Variants in HS3ST4 observed in about 807,000 individuals in gnomAD.
The protein encoded by HS3ST4 is heparan sulfate-glucosamine 3-sulfotransferase 4, also known as heparan sulfate glucosamine 3-O-sulfotransferase 4.
In HS3ST4, 17 loss-of-function variants were observed where a neutral mutation model predicts 29.2. The observed-to-expected ratio is 0.58, with a 90% CI of 0.40 to 0.87. HS3ST4 has a LOEUF of 0.87. HS3ST4 is among the 40% of genes least tolerant of loss of function. The probability of loss-of-function intolerance (pLI) is 0.00; values close to 1 mark genes in which losing one functional copy is unlikely to be tolerated. For missense variants in HS3ST4, 627 were observed against 634.5 expected (o/e 0.99, Z 0.13); for synonymous variants, 314 against 285.7 (o/e 1.10, Z -1.00).
chr16:25,936,628 C>T (rs945065455), intron 1 of HS3ST4, among the ~76,000 whole-genome samples: 10 of 152,200 alleles, frequency 6.6e-5, no homozygotes. Flanking sequence ...TAGATGGTTA[C>T]CCATTCATCA....
intron 1 of HS3ST4, among the ~76,000 whole-genome samples, chr16:25,729,984 G>T (rs1429635039): frequency 1.3e-5 from 2 of 152,114 alleles, no homozygotes; most frequent in African/African-American, 4.8e-5. Context: ...AAAAGAAAAA[G>T]GGCATTATTT....
chr16:25,956,946 C>T (rs1373944944), intron 1 of HS3ST4, among the ~76,000 whole-genome samples: 2 of 126,404 alleles, frequency 1.6e-5, no homozygotes, highest in Non-Finnish European at 3.1e-5. Flanking sequence ...TGCAGTGAGC[C>T]AAGATTGAGC....
chr16:25,785,608 C>T (rs1966856694), intron 1 of HS3ST4, among the ~76,000 whole-genome samples: 1 of 152,196 alleles, frequency 6.6e-6, no homozygotes, highest in Non-Finnish European at 1.5e-5. Flanking sequence ...CATCCCTCAG[C>T]TTCTCTGTCT....
intron 1 of HS3ST4, among the ~76,000 whole-genome samples, chr16:25,712,336 A>G (rs757196059): frequency 2.6e-4 from 40 of 152,132 alleles, no homozygotes; most frequent in Non-Finnish European, 4.6e-4. Flanking sequence ...AGCTTGGGCA[A>G]CATAGTGAAA....
chr16:25,870,201 C>T (rs1459174254), intron 1 of HS3ST4, among the ~76,000 whole-genome samples: 1 of 152,066 alleles, frequency 6.6e-6, no homozygotes, highest in African/African-American at 2.4e-5. Flanking sequence ...TCCATCCATC[C>T]AACCATCCAT....
rs2141703703 is a variant in HS3ST4 at position 25,965,104 on chromosome 16, G to A, written c.735-170508G>A. 1.3e-5 allele frequency among the ~76,000 whole-genome samples: 2 copies of A among 152,300 alleles called. 1 individual carries two copies. The highest frequency in any genetic ancestry group is 4.1e-4 in the South Asian group (2 of 4,828). ...GGGTGATGAGTTCAGTTCTGGAGAT[G>A]CGCACCAAGTATTCTATGAAGAAAA... is the stretch of plus-strand genomic sequence containing the variant. On this transcript the variant is annotated intron_variant, in intron 1 of 1. Transcript: ENST00000331351.
chr16:25,858,325 A>G (rs1967604943), intron 1 of HS3ST4, among the ~76,000 whole-genome samples: 2 of 152,174 alleles, frequency 1.3e-5, no homozygotes, highest in South Asian at 4.1e-4. Context: ...AAAAATCAGA[A>G]TACACATGCA....
chr16:26,056,801 A>G (rs1425033678), intron 1 of HS3ST4, among the ~76,000 whole-genome samples: 1 of 152,222 alleles, frequency 6.6e-6, no homozygotes, highest in African/African-American at 2.4e-5. Context: ...GCAGATCAGC[A>G]TACACTCAGC....
intron 1 of HS3ST4, among the ~76,000 whole-genome samples, chr16:25,912,649 C>G (rs1968252574): frequency 1.3e-5 from 2 of 152,278 alleles, no homozygotes; most frequent in African/African-American, 4.8e-5. Flanking sequence ...TGCTTCCTTA[C>G]ATAGTAAGCT....
intron 1 of HS3ST4, among the ~76,000 whole-genome samples, chr16:25,834,762 A>G (rs1023398223): frequency 5.3e-5 from 8 of 152,176 alleles, no homozygotes; most frequent in East Asian, 3.9e-4. Context: ...CCTGCCCAAC[A>G]TGGCGAAACT....
At chr16:26,042,443 G>A (rs751888879) in intron 1 of HS3ST4, among the ~76,000 whole-genome samples, 4 of 152,044 alleles carry the variant, frequency 2.6e-5, no homozygotes, top group African/African-American at 4.8e-5. Flanking sequence ...GCTATGTGGC[G>A]GTTGAATGCA....
At chr16:25,810,527 TTCTC>T (rs1967032708) in intron 1 of HS3ST4, among the ~76,000 whole-genome samples, 1 of 152,210 alleles carries the variant, frequency 6.6e-6, no homozygotes, top group Non-Finnish European at 1.5e-5. Context: ...TCTCTAGTAG[TTCTC>T]TCATTTGCTG....
intron 1 of HS3ST4, among the ~76,000 whole-genome samples, chr16:26,021,594 A>G (rs1969414288): frequency 6.6e-6 from 1 of 152,220 alleles, no homozygotes; most frequent in Non-Finnish European, 1.5e-5. Context: ...TACGAGGCTC[A>G]CACATCAGAC....
chr16:25,867,166 G>A (rs1412622806), intron 1 of HS3ST4, among the ~76,000 whole-genome samples: 2 of 152,164 alleles, frequency 1.3e-5, no homozygotes, highest in Admixed American at 6.5e-5. Context: ...TTAAAGACCT[G>A]TCAGAGCCTA....
At chr16:25,846,526 C>T (rs1163096360) in intron 1 of HS3ST4, among the ~76,000 whole-genome samples, 2 of 145,380 alleles carry the variant, frequency 1.4e-5, no homozygotes, top group East Asian at 3.9e-4. Context: ...AATGTGAGAC[C>T]CCATCTCTTA....
intron 1 of HS3ST4, among the ~76,000 whole-genome samples, chr16:25,958,352 G>C (rs1215612774): frequency 6.6e-6 from 1 of 152,030 alleles, no homozygotes; most frequent in Non-Finnish European, 1.5e-5. Flanking sequence ...TTTTCCTTGA[G>C]AAGGAGTCTT....
chr16:25,743,477 A>C (rs1260215863), intron 1 of HS3ST4, among the ~76,000 whole-genome samples: 1 of 152,180 alleles, frequency 6.6e-6, no homozygotes, highest in African/African-American at 2.4e-5. Context: ...TGGATTGCAT[A>C]AGGCAGCTTA....
chr16:25,996,996 A>G (rs1167183672), intron 1 of HS3ST4, among the ~76,000 whole-genome samples: 2 of 152,158 alleles, frequency 1.3e-5, no homozygotes, highest in Non-Finnish European at 2.9e-5. Context: ...AGCTTTTATC[A>G]TGTTTATGAA....
At chr16:25,738,306 A>T (rs1966625777) in intron 1 of HS3ST4, among the ~76,000 whole-genome samples, 1 of 152,146 alleles carries the variant, frequency 6.6e-6, no homozygotes, top group African/African-American at 2.4e-5. Context: ...AGCATTTATG[A>T]CTATCAGCGC....
Sources: allele counts gnomAD v4.1 joint callset (sites outside exome capture counted in the v4.1 genomes callset), GRCh38; gene constraint gnomAD v4.1.1; transcripts MANE v1.5; gene names NCBI Gene and HGNC (gene_info 2026-07-23, HGNC 2026-07-21).